The following SEC14L5 variants were observed in gnomAD, a reference collection of about 807,000 sequenced individuals.
The protein encoded by SEC14L5 is SEC14 like lipid binding 5.
Under a neutral mutation model 84.6 loss-of-function variants are expected in SEC14L5, and 96 were observed. The observed-to-expected ratio is 1.13, with a 90% CI of 0.96 to 1.34. The LOEUF (loss-of-function observed/expected upper bound fraction) is 1.34, where lower values mean the gene tolerates loss of function less well. SEC14L5 is among the 40% of genes most tolerant of loss of function. The pLI, the probability that SEC14L5 is intolerant of heterozygous loss-of-function variation, is 0.00. For synonymous variants in SEC14L5, 546 were observed against 383.4 expected (o/e 1.42, Z -4.95); for missense variants, 1,224 against 942.5 (o/e 1.30, Z -3.91).
At chr16:4,959,145 C>G in intron 1 of SEC14L5, 128 bp from the exon 2 acceptor site, 2 of 615,260 alleles carry the variant, frequency 3.3e-6, no homozygotes, top group Non-Finnish European at 5.9e-6. Context: ...GGGGGAATAT[C>G]AGCCTTCTCA....
chr16:5,004,218 G>A (rs902660615), intron 11 of SEC14L5, among the ~76,000 whole-genome samples: 5 of 152,194 alleles, frequency 3.3e-5, no homozygotes, highest in Middle Eastern at 3.2e-3. Context: ...GCAGGGGAGG[G>A]TGGGGGACAG....
rs1359936383 is a variant in SEC14L5, at chr16:5,017,440, C to G, written c.*2470C>G. 1 of 152,328 alleles carries G rather than the reference C, an allele frequency of 6.6e-6. No homozygotes were observed. Among genetic ancestry groups the G allele is most frequent in the Admixed American group, 6.5e-5 (1 of 15,292 alleles). The allele number at this position is 152,328 out of a possible 1,614,324, so 9.4% of individuals were successfully genotyped here. A position where few individuals can be genotyped will look rare whatever the true frequency, so the allele number is the denominator to read the frequency against. On this transcript the variant is annotated 3_prime_UTR_variant, in exon 16 of 16. Transcript: ENST00000251170. ...ACCCAGGCCTCTTGACTCTGCATCT[C>G]TTTGCATGCTGACCTCATTCTTTCT...
At chr16:4,982,883 C>T (rs547728663) in intron 2 of SEC14L5, among the ~76,000 whole-genome samples, 15 of 152,168 alleles carry the variant, frequency 9.9e-5, no homozygotes, top group Non-Finnish European at 1.6e-4. Context: ...GGGTGAGACC[C>T]TCTAATGGCT....
rs991131376 is a variant in SEC14L5 at position 5,015,198 on chromosome 16, G to A, written c.*228G>A. On this transcript the variant is annotated 3_prime_UTR_variant, in exon 16 of 16. Coordinates refer to ENST00000251170, the MANE Select transcript of SEC14L5 (RefSeq NM_014692.2). ...CAGAACCATCTCCTTCCGGCTTCGTGTAAGGAAGACCAAGCCAAGGCCAAG... is the reference window on the plus strand; with the variant it reads ...CAGAACCATCTCCTTCCGGCTTCGTATAAGGAAGACCAAGCCAAGGCCAAG... The A allele has an allele frequency of 7.3e-6, 4 of 549,070 alleles. No individual in the cohort carries two copies. The highest frequency in any genetic ancestry group is 1.3e-5 in the Non-Finnish European group (4 of 309,106). 34.0% of individuals were successfully genotyped at this position (549,070 alleles called of 1,614,324 possible).
chr16:5,009,039 C>G (rs1040886158), intron 14 of SEC14L5, among the ~76,000 whole-genome samples: 2 of 152,192 alleles, frequency 1.3e-5, no homozygotes, highest in African/African-American at 4.8e-5. Context: ...TATTGTCTCA[C>G]AGTTCAGGAG....
chr16:5,012,024 G>T (rs1388803226), intron 15 of SEC14L5, among the ~76,000 whole-genome samples: 1 of 152,294 alleles, frequency 6.6e-6, no homozygotes, highest in Non-Finnish European at 1.5e-5. Flanking sequence ...TTCCCGTGGG[G>T]GTAAAATTAA....
At position 5,008,471 on chromosome 16, in the gene SEC14L5, C is replaced by T. The variant is rs774084686; in HGVS notation, c.1623C>T (p.Asp541=). 1.2e-6 allele frequency: 2 copies of T among 1,613,560 alleles called. No homozygotes were observed. Among genetic ancestry groups the T allele is most frequent in the Admixed American group, 3.3e-5 (2 of 59,988 alleles). Residue 541 remains aspartate, a synonymous_variant, in exon 14 of 16, where the codon GAC becomes GAT. Transcript: ENST00000251170. The stretch of plus-strand genomic sequence containing the variant: ...AGTCGGTCATCACCTGGGACTTTGA[C>T]ATCCTGCGAGGGGACGTGGTGTTCA... ...EGESVITWDF[D]ILRGDVVFSL...
At chr16:4,968,245 T>C (rs2142477979) in intron 2 of SEC14L5, among the ~76,000 whole-genome samples, 1 of 151,472 alleles carries the variant, frequency 6.6e-6, no homozygotes, top group South Asian at 2.1e-4. Flanking sequence ...AGTGGCGCAA[T>C]CTCGGCTCAC....
intron 2 of SEC14L5, among the ~76,000 whole-genome samples, chr16:4,959,715 A>G (rs1462071443): frequency 6.6e-6 from 1 of 152,196 alleles, no homozygotes; most frequent in Non-Finnish European, 1.5e-5. Flanking sequence ...ACAGTGATAA[A>G]TGGAATGGTG....
intron 4 of SEC14L5, among the ~76,000 whole-genome samples, chr16:4,988,807 T>C (rs1955523195): frequency 6.6e-6 from 1 of 152,264 alleles, no homozygotes; most frequent in South Asian, 2.1e-4. Flanking sequence ...ATTGAGCACC[T>C]ACTATGTGCC....
chr16:4,971,499 C>G (rs1289592882), intron 2 of SEC14L5, among the ~76,000 whole-genome samples: 1 of 152,106 alleles, frequency 6.6e-6, no homozygotes, highest in African/African-American at 2.4e-5. Flanking sequence ...AAAAAACTGG[C>G]AAAACTCTCC....
chr16:4,993,285 A>G (rs1215070461), intron 6 of SEC14L5, among the ~76,000 whole-genome samples: 1 of 152,224 alleles, frequency 6.6e-6, no homozygotes, highest in Non-Finnish European at 1.5e-5. Flanking sequence ...TGTGTCACCC[A>G]GGCTGGAGTG....
At position 5,003,441 on chromosome 16, in the gene SEC14L5, G is replaced by T; in HGVS notation, c.1170G>T (p.Met390Ile). The T allele has an allele frequency of 3.7e-6, 6 of 1,613,436 alleles. No individual in the cohort carries two copies. Among genetic ancestry groups the T allele is most frequent in the Non-Finnish European group, 5.1e-6 (6 of 1,179,718 alleles). ...TCLLDLEGLN[M>I]RHLWRPGVKA... ...TGCTAGACCTGGAGGGACTCAACAT[G>T]CGGCACCTGTGGCGGCCGGGGGTGA... is the stretch of plus-strand genomic sequence containing the variant. Residue 390 changes from methionine (M) to isoleucine (I), a missense_variant, in exon 11 of 16, where the codon ATG becomes ATT. Met to Ile is a conservative substitution (Grantham distance 10, BLOSUM62 1). Transcript: ENST00000251170.
intron 2 of SEC14L5, among the ~76,000 whole-genome samples, chr16:4,969,584 A>C (rs1403396380): frequency 1.3e-5 from 2 of 152,028 alleles, no homozygotes; most frequent in East Asian, 3.9e-4. Context: ...GGGTTTCACC[A>C]CATTGGTCAG....
At chr16:4,973,787 A>G (rs1411160060) in intron 2 of SEC14L5, among the ~76,000 whole-genome samples, 1 of 149,618 alleles carries the variant, frequency 6.7e-6, no homozygotes, top group Non-Finnish European at 1.5e-5. Flanking sequence ...GGTTCAAACG[A>G]CTGTTGTGCC....
intron 4 of SEC14L5, among the ~76,000 whole-genome samples, chr16:4,989,935 G>A (rs1037320716): frequency 8.5e-5 from 13 of 152,066 alleles, no homozygotes; most frequent in African/African-American, 2.7e-4. Context: ...GACGTTTGAG[G>A]AGGACTAGGT....
intron 11 of SEC14L5, 51 bp downstream of exon 11, chr16:5,003,624 G>GCCCCC: frequency 2.6e-5 from 8 of 305,306 alleles, no homozygotes; most frequent in Non-Finnish European, 4.5e-5. Context: ...GGTGGGATGG[G>GCCCCC]AGGGGTTCCG....
intron 2 of SEC14L5, among the ~76,000 whole-genome samples, chr16:4,976,777 C>G (rs1955346295): frequency 1.3e-5 from 2 of 152,234 alleles, no homozygotes; most frequent in East Asian, 3.8e-4. Context: ...CTCCAGCCAC[C>G]TGGCAGAAGG....
chr16:4,989,257 C>G (rs1332271009), intron 4 of SEC14L5, among the ~76,000 whole-genome samples: 5 of 150,992 alleles, frequency 3.3e-5, no homozygotes, highest in Non-Finnish European at 7.4e-5. Context: ...ATCGTTTTCA[C>G]GATGATAACT....
Sources: gnomAD v4.1 joint callset for allele counts (sites outside exome capture counted in the v4.1 genomes callset) on GRCh38, gnomAD v4.1.1 for gene constraint, MANE v1.5 for transcripts, NCBI Gene and HGNC (gene_info 2026-07-23, HGNC 2026-07-21) for gene names.